The following CBFA2T2 variants were observed in gnomAD, a reference collection of about 807,000 sequenced individuals.
The protein encoded by CBFA2T2 is CBFA2/RUNX1 partner transcriptional co-repressor 2, also known as protein CBFA2T2.
CBFA2T2 carries 11 observed loss-of-function variants against 62.2 expected under a neutral mutation model. The ratio of observed to expected loss-of-function variants is 0.18; its 90% CI spans 0.11 to 0.29. The LOEUF (loss-of-function observed/expected upper bound fraction) is 0.29. Among genes scored for constraint, CBFA2T2 ranks in the 10% least tolerant of loss-of-function variants. The pLI, the probability that CBFA2T2 is intolerant of heterozygous loss-of-function variation, is 1.00. For synonymous variants in CBFA2T2, 295 were observed against 287.5 expected (o/e 1.03, Z -0.27); for missense variants, 592 against 774.1 (o/e 0.76, Z 2.79).
chr20:33,534,141 C>T (rs2146871895), intron 1 of CBFA2T2, among the ~76,000 whole-genome samples: 1 of 152,188 alleles, frequency 6.6e-6, no homozygotes, highest in East Asian at 1.9e-4. Flanking sequence ...GACTCTTTTT[C>T]CTTTGTAAAT....
chr20:33,628,384 T>C lies in CBFA2T2; in HGVS notation c.981T>C (p.Asp327=). ...GAGGCTATCAAGATGAGTTGGTAGA[T>C]CATCGTTTGACAGAAAGGGAATGGG... ...LNGGYQDELV[D]HRLTEREWAD... The change falls in exon 7 of 11, where the codon GAT becomes GAC. Residue 327 remains aspartate, a synonymous_variant. Transcript: ENST00000342704. 1 of 1,613,316 alleles carries C rather than the reference T, an allele frequency of 6.2e-7. No homozygotes were observed. The highest frequency in any genetic ancestry group is 8.5e-7 in the Non-Finnish European group (1 of 1,179,198).
intron 1 of CBFA2T2, among the ~76,000 whole-genome samples, chr20:33,491,282 A>G (rs1416310384): frequency 3.9e-5 from 6 of 152,232 alleles, no homozygotes; most frequent in Middle Eastern, 6.3e-3. Flanking sequence ...GGCCCTGGGA[A>G]TACAATAAAC....
chr20:33,632,954 T>A lies in CBFA2T2; in HGVS notation c.1228+3040T>A, dbSNP rs528900956. Among the ~76,000 whole-genome samples the A allele has an allele frequency of 6.0e-4, 92 of 152,132 alleles. 1 individual carries two copies. The South Asian group carries it at 0.014, about 24-fold the overall frequency. On this transcript the variant is annotated intron_variant, in intron 8 of 10. Coordinates refer to ENST00000342704, the MANE Select transcript of CBFA2T2 (RefSeq NM_001032999.3). ...TTGTATTTTTAGTAGAGATGAGGTT[T>A]CACCATGTTTGCCAGGCTGGTCTCG...
At chr20:33,585,924 AG>A (rs953709279) in intron 1 of CBFA2T2, among the ~76,000 whole-genome samples, 2 of 152,214 alleles carry the variant, frequency 1.3e-5, no homozygotes, top group Non-Finnish European at 2.9e-5. Context: ...TTAAAACCTT[AG>A]CCGTGGTAAA....
intron 1 of CBFA2T2, among the ~76,000 whole-genome samples, chr20:33,564,467 G>A (rs191947749): frequency 2.6e-5 from 4 of 151,994 alleles, no homozygotes; most frequent in Admixed American, 2.6e-4. Flanking sequence ...ATGTTGGTCA[G>A]GCTGGTCTTG....
At chr20:33,540,824 T>C (rs2012392445) in intron 1 of CBFA2T2, among the ~76,000 whole-genome samples, 1 of 152,200 alleles carries the variant, frequency 6.6e-6, no homozygotes, top group Non-Finnish European at 1.5e-5. Context: ...CTAGGGTACT[T>C]GTTAGAACCC....
Position 33,649,899 on chromosome 20 carries a change from T to A in CBFA2T2, c.*5253T>A, listed in dbSNP as rs1330833716. The A allele has an allele frequency of 2.0e-5, 3 of 152,704 alleles. No individual in the cohort carries two copies. Among genetic ancestry groups the A allele is most frequent in the African/African-American group, 7.2e-5 (3 of 41,476 alleles). The allele number at this position is 152,704 out of a possible 1,614,324, so 9.5% of individuals were successfully genotyped here. On this transcript the variant is annotated 3_prime_UTR_variant, in exon 11 of 11. Coordinates refer to ENST00000342704, the MANE Select transcript of CBFA2T2 (RefSeq NM_001032999.3). ...CTGGTTTTTCTGTGCTTTGTCATTT[T>A]ACTCTGATAGGAATTTTTGTTACCT...
chr20:33,574,242 C>A (rs760636109), intron 1 of CBFA2T2: 5 of 1,613,292 alleles, frequency 3.1e-6, no homozygotes, highest in Non-Finnish European at 4.2e-6. Flanking sequence ...AAATACAGGT[C>A]CTGGCAAGGC....
chr20:33,613,341 A>T (rs952271719), intron 3 of CBFA2T2, among the ~76,000 whole-genome samples: 8 of 152,326 alleles, frequency 5.3e-5, no homozygotes, highest in South Asian at 2.1e-4. Flanking sequence ...TGCCAGAAGG[A>T]GTCACAGGAC....
At chr20:33,574,454 C>T (rs1479084352) in intron 1 of CBFA2T2, among the ~76,000 whole-genome samples, 2 of 152,068 alleles carry the variant, frequency 1.3e-5, no homozygotes, top group African/African-American at 2.4e-5. Context: ...GGAGAAACCC[C>T]GTCTCTACTA....
At chr20:33,538,001 A>T (rs956283567) in intron 1 of CBFA2T2, among the ~76,000 whole-genome samples, 11 of 132,896 alleles carry the variant, frequency 8.3e-5, no homozygotes, top group African/African-American at 3.5e-4. Flanking sequence ...TCAATTTCTT[A>T]AAAAAAAAAA....
At chr20:33,642,979 C>T (rs1311980398) in intron 10 of CBFA2T2, among the ~76,000 whole-genome samples, 1 of 152,214 alleles carries the variant, frequency 6.6e-6, no homozygotes, top group Non-Finnish European at 1.5e-5. Flanking sequence ...AAATCACTTT[C>T]AAAAGCAGGG....
chr20:33,578,757 G>A (rs1441697948), intron 1 of CBFA2T2, among the ~76,000 whole-genome samples: 1 of 152,188 alleles, frequency 6.6e-6, no homozygotes, highest in African/African-American at 2.4e-5. Context: ...TTATTGATTA[G>A]AAGTGAATGC....
chr20:33,579,118 T>G (rs978465154), intron 1 of CBFA2T2, among the ~76,000 whole-genome samples: 10 of 150,784 alleles, frequency 6.6e-5, no homozygotes, highest in African/African-American at 1.9e-4. Flanking sequence ...TTTTTTTGTT[T>G]TTTTTTTTTT....
At chr20:33,609,093 C>G (rs2015434615) in intron 2 of CBFA2T2, among the ~76,000 whole-genome samples, 1 of 152,120 alleles carries the variant, frequency 6.6e-6, no homozygotes, top group Non-Finnish European at 1.5e-5. Flanking sequence ...CTGAACAAAG[C>G]AAAAATATAC....
intron 1 of CBFA2T2, among the ~76,000 whole-genome samples, chr20:33,507,446 A>G (rs549414861): frequency 2.6e-5 from 4 of 152,312 alleles, no homozygotes; most frequent in Admixed American, 1.3e-4. Context: ...TTTTGAGCCA[A>G]TCTGTTTTTC....
chr20:33,505,011 C>T (rs897070098), intron 1 of CBFA2T2, among the ~76,000 whole-genome samples: 6 of 152,044 alleles, frequency 3.9e-5, no homozygotes, highest in Admixed American at 3.9e-4. Context: ...TGGTAACTAC[C>T]ATTTGTGTAT....
intron 1 of CBFA2T2, among the ~76,000 whole-genome samples, chr20:33,498,494 C>G (rs1205890003): frequency 6.6e-6 from 1 of 151,968 alleles, no homozygotes; most frequent in Non-Finnish European, 1.5e-5. Flanking sequence ...CTCAGGTCAT[C>G]TGCCCACCTC....
chr20:33,529,024 TTTTG>T (rs755359245), intron 1 of CBFA2T2, among the ~76,000 whole-genome samples: 34 of 151,998 alleles, frequency 2.2e-4, no homozygotes, highest in East Asian at 3.9e-4. Flanking sequence ...TGTTTGTTTT[TTTTG>T]TTTGTTTGTT....
Sources: gnomAD v4.1 joint callset for allele counts (sites outside exome capture counted in the v4.1 genomes callset) on GRCh38, gnomAD v4.1.1 for gene constraint, MANE v1.5 for transcripts, NCBI Gene and HGNC (gene_info 2026-07-23, HGNC 2026-07-21) for gene names.